KIRREL3: variants seen among roughly 807,000 people sequenced by gnomAD.
The protein encoded by KIRREL3 is kin of IRRE-like protein 3.
A neutral mutation model predicts 89.7 loss-of-function variants in KIRREL3; 36 were observed. That is an observed-to-expected ratio of 0.40 (90% CI 0.31 to 0.53). The LOEUF (loss-of-function observed/expected upper bound fraction) is 0.53, where lower values mean the gene tolerates loss of function less well. Ranked by LOEUF, KIRREL3 falls within the 20% of genes least tolerant of loss-of-function variation. The pLI is 0.49. For synonymous variants in KIRREL3, 445 were observed against 441.4 expected (o/e 1.01, Z -0.10); for missense variants, 864 against 1,056.6 (o/e 0.82, Z 2.53).
At chr11:126,483,097 G>A (rs1957265230) in intron 4 of KIRREL3, among the ~76,000 whole-genome samples, 3 of 152,228 alleles carry the variant, frequency 2.0e-5, no homozygotes. Flanking sequence ...TAGGTCATGA[G>A]ATCCTCATTC....
At position 126,508,231 on chromosome 11, in the gene KIRREL3, G is replaced by A. The variant is rs1190031213; in HGVS notation, c.433+13084C>T. On this transcript the variant is annotated intron_variant, in intron 4 of 16. Coordinates refer to ENST00000525144, the MANE Select transcript of KIRREL3 (RefSeq NM_032531.4). This position sits in a 1 kb window ranked among gnomAD's most constrained non-coding sequence, Gnocchi z 4.9. The stretch of plus-strand genomic sequence containing the variant: ...TGAAAGTGTGACACATTTTTTGGAA[G>A]CCAGTTTTTTCGGGTTGTGGGACTC... 6.6e-6 allele frequency among the ~76,000 whole-genome samples: 1 copy of A among 152,148 alleles called. No homozygotes were observed. The highest frequency in any genetic ancestry group is 1.5e-5 in the Non-Finnish European group (1 of 68,014).
At chr11:126,536,457 T>C (rs1225877433) in intron 2 of KIRREL3, among the ~76,000 whole-genome samples, 1 of 152,058 alleles carries the variant, frequency 6.6e-6, no homozygotes, top group African/African-American at 2.4e-5. Context: ...GGCACATGTC[T>C]CTGCACTGTG....
Position 126,873,490 on chromosome 11 carries a change from G to A in KIRREL3, c.55+126965C>T, listed in dbSNP as rs1019824583. Among the ~76,000 whole-genome samples, 5 of 152,330 alleles carry A rather than the reference G, an allele frequency of 3.3e-5. No individual in the cohort carries two copies. In the East Asian group the frequency reaches 5.8e-4, roughly 18 times the overall value. ...TCCCTCCTTTGCTGGCTGCAGGAAA[G>A]TATGTGTTTTTATTCAAAATTAATG... On this transcript the variant is annotated intron_variant, in intron 1 of 16. Transcript: ENST00000525144.
At chr11:126,821,347 A>ATATATATATATG (rs1344371968) in intron 1 of KIRREL3, among the ~76,000 whole-genome samples, 1 of 115,880 alleles carries the variant, frequency 8.6e-6, no homozygotes, top group African/African-American at 3.5e-5. Flanking sequence ...ATATATATAT[A>ATATATATATATG]TATATGTAAC....
chr11:126,429,181 T>C lies in KIRREL3; in HGVS notation c.1804A>G (p.Met602Val). Reference protein sequence around the residue: ...GEEHSTIKQLMMDRGEFQQDS... With the variant: ...GEEHSTIKQLVMDRGEFQQDS... ...ATGGGGCGTAATTGCATTCTTACCA[T>C]CAGCTGCTTGATGGTGGAGTGCTCC... The change falls in exon 15 of 17, where the codon ATG becomes GTG. Residue 602 changes from methionine to valine, a missense_variant and splice_region_variant. Physicochemically the swap from Met to Val is conservative, Grantham distance 21. Coordinates refer to ENST00000525144, the MANE Select transcript of KIRREL3 (RefSeq NM_032531.4). The surrounding 1 kb of genome is among the most constrained non-coding windows in gnomAD (Gnocchi z 5.2). The C allele has an allele frequency of 6.2e-7, 1 of 1,604,546 alleles. No homozygotes were observed.
At chr11:126,895,394 C>T (rs1034328737) in intron 1 of KIRREL3, among the ~76,000 whole-genome samples, 10 of 143,216 alleles carry the variant, frequency 7.0e-5, no homozygotes, top group South Asian at 2.3e-4. Context: ...ACCCGGGAGG[C>T]GGAGATTCCA....
chr11:126,876,168 C>A lies in KIRREL3; in HGVS notation c.55+124287G>T, dbSNP rs545242939. On this transcript the variant is annotated intron_variant, in intron 1 of 16. Transcript: ENST00000525144. This position sits in a 1 kb window ranked among gnomAD's most constrained non-coding sequence, Gnocchi z 4.1. ...CCAATACTACTAGCTCAACAGACAA[C>A]TGAAATGAAGCTCAGGTCTTTTCTC... 3.9e-5 allele frequency among the ~76,000 whole-genome samples: 6 copies of A among 152,318 alleles called. No homozygotes were observed. In the South Asian group the frequency reaches 6.2e-4, roughly 16 times the overall value.
chr11:126,534,429 C>T (rs926979862), intron 2 of KIRREL3, among the ~76,000 whole-genome samples: 5 of 152,224 alleles, frequency 3.3e-5, no homozygotes, highest in East Asian at 3.9e-4. Context: ...CTCCCACATT[C>T]GCTTGGTTAG....
chr11:126,661,553 T>A (rs1282859668), intron 1 of KIRREL3, among the ~76,000 whole-genome samples: 1 of 152,232 alleles, frequency 6.6e-6, no homozygotes, highest in Non-Finnish European at 1.5e-5. Flanking sequence ...GCTGATTTCA[T>A]CTGTGCCCAG....
In KIRREL3 at chr11:126,495,970, T is replaced by A. The variant is rs939246633; in HGVS notation, c.434-22504A>T. On this transcript the variant is annotated intron_variant, in intron 4 of 16. Transcript: ENST00000525144. The surrounding 1 kb of genome is among the most constrained non-coding windows in gnomAD (Gnocchi z 6.5). Reference sequence around the variant, plus strand: ...GATCATCCTTTCTCAGTATCTGCACTGCTACTACCCCAGCGCTCCAGCCCC... The same window carrying A: ...GATCATCCTTTCTCAGTATCTGCACAGCTACTACCCCAGCGCTCCAGCCCC... 6.6e-6 allele frequency among the ~76,000 whole-genome samples: 1 copy of A among 152,218 alleles called. No individual in the cohort carries two copies. The highest frequency in any genetic ancestry group is 1.5e-5 in the Non-Finnish European group (1 of 68,040).
rs1037983580 is a variant in KIRREL3 at position 126,462,670 on chromosome 11, G to T, written c.742+487C>A. 6.6e-6 allele frequency among the ~76,000 whole-genome samples: 1 copy of T among 151,894 alleles called. No individual in the cohort carries two copies. The highest frequency in any genetic ancestry group is 1.5e-5 in the Non-Finnish European group (1 of 67,958). On this transcript the variant is annotated intron_variant, in intron 6 of 16. Transcript: ENST00000525144. The surrounding 1 kb of genome is among the most constrained non-coding windows in gnomAD (Gnocchi z 4.8). ...AACAGAGTGAGACTCTGTCTCGAAAGAATAAAAAAAAGATTAAATGAGATA... is the reference window on the plus strand; with the variant it reads ...AACAGAGTGAGACTCTGTCTCGAAATAATAAAAAAAAGATTAAATGAGATA...
chr11:126,877,057 C>G lies in KIRREL3; in HGVS notation c.55+123398G>C, dbSNP rs749804703. Among the ~76,000 whole-genome samples the G allele has an allele frequency of 1.3e-5, 2 of 152,188 alleles. No individual in the cohort carries two copies. The highest frequency in any genetic ancestry group is 2.9e-5 in the Non-Finnish European group (2 of 68,042). On this transcript the variant is annotated intron_variant, in intron 1 of 16. Coordinates refer to ENST00000525144, the MANE Select transcript of KIRREL3 (RefSeq NM_032531.4). This position sits in a 1 kb window ranked among gnomAD's most constrained non-coding sequence, Gnocchi z 4.9. ...ATAAGAATAAAGGTTGGTTGTGGCGCTTGGCCAAAGCAGGGCTGGGGACCT... is the reference window on the plus strand; with the variant it reads ...ATAAGAATAAAGGTTGGTTGTGGCGGTTGGCCAAAGCAGGGCTGGGGACCT...
intron 11 of KIRREL3, among the ~76,000 whole-genome samples, chr11:126,439,425 C>G (rs1263437205): frequency 2.0e-5 from 3 of 149,304 alleles, no homozygotes; most frequent in Non-Finnish European, 4.4e-5. Context: ...AGGCTGGTCT[C>G]AAACTCCTGG....
intron 2 of KIRREL3, among the ~76,000 whole-genome samples, chr11:126,545,568 C>T (rs112245258): frequency 2.6e-4 from 39 of 149,650 alleles, no homozygotes; most frequent in African/African-American, 8.3e-4. Flanking sequence ...CCCAGGAGTT[C>T]GAGACCAGCC....
intron 1 of KIRREL3, among the ~76,000 whole-genome samples, chr11:126,899,304 A>T (rs1366890556): frequency 2.0e-5 from 3 of 152,212 alleles, no homozygotes; most frequent in African/African-American, 7.2e-5. Context: ...GTAGACATGA[A>T]GATAGCTAAG....
intron 2 of KIRREL3, among the ~76,000 whole-genome samples, chr11:126,559,281 C>T (rs1417163398): frequency 6.6e-6 from 1 of 152,234 alleles, no homozygotes; most frequent in Non-Finnish European, 1.5e-5. Flanking sequence ...TCAATACCTA[C>T]CTGACACCTG....
chr11:126,514,001 G>T (rs1489693056), intron 4 of KIRREL3, among the ~76,000 whole-genome samples: 2 of 152,168 alleles, frequency 1.3e-5, no homozygotes, highest in East Asian at 3.9e-4. Context: ...AGTTAGATGG[G>T]AGGCTAAGGT....
chr11:126,927,196 C>T (rs1277946086), intron 1 of KIRREL3, among the ~76,000 whole-genome samples: 1 of 152,140 alleles, frequency 6.6e-6, no homozygotes, highest in African/African-American at 2.4e-5. Flanking sequence ...ATGAAAAGCT[C>T]CCAACTGCAG....
intron 1 of KIRREL3, among the ~76,000 whole-genome samples, chr11:126,804,194 A>C (rs1333529949): frequency 1.3e-5 from 2 of 152,220 alleles, no homozygotes; most frequent in African/African-American, 4.8e-5. Context: ...TGAAACCAAA[A>C]ACCTGTGACC....
Sources: allele counts gnomAD v4.1 joint callset (sites outside exome capture counted in the v4.1 genomes callset), GRCh38; gene constraint gnomAD v4.1.1; non-coding constraint Gnocchi (gnomAD v3.1); transcripts MANE v1.5; gene names NCBI Gene and HGNC (gene_info 2026-07-23, HGNC 2026-07-21).